FAH: variants seen among roughly 807,000 people sequenced by gnomAD.
The protein encoded by FAH is fumarylacetoacetase.
Under a neutral mutation model 55.8 loss-of-function variants are expected in FAH, and 47 were observed. The observed-to-expected ratio is 0.84, with a 90% CI of 0.67 to 1.07. FAH has a LOEUF of 1.07. Ranked by LOEUF, FAH falls within the 50% of genes least tolerant of loss-of-function variation. The pLI is 0.00. For missense variants in FAH, 495 were observed against 545.9 expected, an observed-to-expected ratio of 0.91 and a Z score of 0.93; for synonymous variants, 199 against 207.7, an observed-to-expected ratio of 0.96 and a Z score of 0.36.
chr15:80,162,155 G>C, intron 4 of FAH, 91 bp from the exon 5 acceptor site: 1 of 932,412 alleles, frequency 1.1e-6, no homozygotes, highest in South Asian at 1.3e-5. Context: ...ACAGTATTGT[G>C]TGCACACTCG....
At chr15:80,180,045 GCA>G in intron 11 of FAH, 77 bp from the exon 12 acceptor site, 1 of 1,086,856 alleles carries the variant, frequency 9.2e-7, no homozygotes. Context: ...CGTGAGCAGG[GCA>G]GGCTGTGCCC....
chr15:80,181,544 G>A (rs2041331196), intron 13 of FAH, among the ~76,000 whole-genome samples: 1 of 152,128 alleles, frequency 6.6e-6, no homozygotes, highest in Admixed American at 6.5e-5. Context: ...CTGTTCCAAG[G>A]AGGTGAGGGT....
chr15:80,173,109 G>C lies in FAH; in HGVS notation c.802G>C (p.Ala268Pro). Reference protein sequence around the residue: ...TVSPWVVPMDALMPFAVPNPK... With the variant: ...TVSPWVVPMDPLMPFAVPNPK... The stretch of plus-strand genomic sequence containing the variant: ...CTCTCCGTGGGTGGTGCCCATGGAT[G>C]CTCTCATGCCCTTTGCTGTGCCCAA... Residue 268 changes from alanine to proline, a missense_variant, in exon 9 of 14, where the codon GCT becomes CCT. Coordinates refer to ENST00000561421, the MANE Select transcript of FAH (RefSeq NM_000137.4). 2 of 1,614,228 alleles carry C rather than the reference G, an allele frequency of 1.2e-6. No homozygotes were observed. Among genetic ancestry groups the C allele is most frequent in the Non-Finnish European group, 1.7e-6 (2 of 1,180,036 alleles).
chr15:80,182,501 A>C (rs1194424799), intron 13 of FAH, among the ~76,000 whole-genome samples: 1 of 152,246 alleles, frequency 6.6e-6, no homozygotes, highest in Admixed American at 6.5e-5. Flanking sequence ...TTATTAATCA[A>C]TAAATACCCA....
At chr15:80,156,352 C>T (rs1302624945) in intron 1 of FAH, 2 of 153,480 alleles carry the variant, frequency 1.3e-5, no homozygotes, top group African/African-American at 2.4e-5. Flanking sequence ...TACTAATAAT[C>T]GATAATTGTC....
chr15:80,178,317 C>CA (rs1202433088), intron 11 of FAH, among the ~76,000 whole-genome samples: 3 of 152,228 alleles, frequency 2.0e-5, no homozygotes, highest in African/African-American at 7.2e-5. Flanking sequence ...TCCAGCACCT[C>CA]AGCAGCCCCG....
intron 2 of FAH, 98 bp downstream of exon 2, chr15:80,158,268 A>G (rs2041117158): frequency 5.5e-6 from 5 of 909,330 alleles, no homozygotes; most frequent in Non-Finnish European, 9.2e-6. Flanking sequence ...GATAGAGGTA[A>G]TGCCATCGAA....
intron 9 of FAH, chr15:80,173,596 A>G: frequency 3.0e-6 from 1 of 338,404 alleles, no homozygotes; most frequent in Non-Finnish European, 5.8e-6. Flanking sequence ...TTGGTCTACC[A>G]CTGGGTCTAG....
Position 80,158,137 on chromosome 15 carries a change from T to C in FAH, c.159T>C (p.Pro53=). Residue 53 remains proline (P), a synonymous_variant, in exon 2 of 14, where the codon CCT becomes CCC. Transcript: ENST00000561421. ...LSIIKHLFTG[P]VLSKHQDVFN... is the part of the protein sequence containing the mutation. ...TCATCAAGCACCTCTTTACTGGTCCTGTCCTCTCCAAACACCAGGATGTCT... is the reference window on the plus strand; with the variant it reads ...TCATCAAGCACCTCTTTACTGGTCCCGTCCTCTCCAAACACCAGGATGTCT... 6.2e-7 allele frequency: 1 copy of C among 1,614,102 alleles called. No individual in the cohort carries two copies. The highest frequency in any genetic ancestry group is 8.5e-7 in the Non-Finnish European group (1 of 1,179,908).
chr15:80,153,113 G>C lies in FAH; in HGVS notation c.59G>C (p.Gly20Ala), dbSNP rs371489046. ...SDFPIHNLPY[G>A]VFSTRGDPRP... is the part of the protein sequence containing the mutation. ...TTCCCCATCCACAACCTGCCCTACG[G>C]CGTCTTCTCGACCAGAGGCGACGTG... Residue 20 changes from glycine (G) to alanine (A), a missense_variant, in exon 1 of 14, where the codon GGC becomes GCC. Coordinates refer to ENST00000561421, the MANE Select transcript of FAH (RefSeq NM_000137.4). 13 of 1,613,756 alleles carry C rather than the reference G, an allele frequency of 8.1e-6. No homozygotes were observed. Among genetic ancestry groups the C allele is most frequent in the African/African-American group, 1.3e-5 (1 of 74,886 alleles).
chr15:80,162,511 G>A, intron 5 of FAH, 175 bp downstream of exon 5: 1 of 682,728 alleles, frequency 1.5e-6, no homozygotes, highest in South Asian at 1.6e-5. Context: ...TGCTCAGCTT[G>A]GCTTAGGACT....
At chr15:80,185,743 T>TACC (rs2041365209) in intron 13 of FAH, among the ~76,000 whole-genome samples, 1 of 152,308 alleles carries the variant, frequency 6.6e-6, no homozygotes, top group African/African-American at 2.4e-5. Flanking sequence ...ATGAGAACAG[T>TACC]ATGGAGGAAA....
chr15:80,159,343 G>A (rs62006330), intron 2 of FAH, among the ~76,000 whole-genome samples: 31,129 of 151,842 alleles, frequency 0.21, 3,560 homozygotes, highest in Middle Eastern at 0.29. Context: ...AATGTGCTGG[G>A]ATTACAGGCA....
chr15:80,180,913 G>A (rs2041325612), intron 12 of FAH, 129 bp from the exon 13 acceptor site: 2 of 726,120 alleles, frequency 2.8e-6, no homozygotes, highest in Admixed American at 3.8e-5. Context: ...CCAAGGCCGA[G>A]GCAGGGTCTC....
intron 7 of FAH, 21 bp downstream of exon 7, chr15:80,168,337 A>C: frequency 1.2e-6 from 2 of 1,608,150 alleles, no homozygotes; most frequent in Non-Finnish European, 1.7e-6. Flanking sequence ...TTGATGTTTT[A>C]TTGCCATGGG....
chr15:80,174,186 C>A (rs539806346), intron 9 of FAH, among the ~76,000 whole-genome samples: 1 of 152,158 alleles, frequency 6.6e-6, no homozygotes. Context: ...TAGCTGGCAG[C>A]GGCCTTGTCT....
Position 80,172,205 on chromosome 15 carries a change from C to T in FAH, c.663C>T (p.Ala221=), listed in dbSNP as rs370892975. 3 of 1,614,102 alleles carry T rather than the reference C, an allele frequency of 1.9e-6. No homozygotes were observed. Among genetic ancestry groups the T allele is most frequent in the Non-Finnish European group, 1.7e-6 (2 of 1,179,992 alleles). Residue 221 remains alanine, a synonymous_variant, in exon 8 of 14, where the codon GCC becomes GCT. Transcript: ENST00000561421. ...GAGAGCCGATCCCCATTTCCAAGGC[C>T]CATGAGCACATTTTTGGAATGGTCC... ...RLGEPIPISK[A]HEHIFGMVLM... is the part of the protein sequence containing the mutation.
At chr15:80,186,106 G>A in intron 13 of FAH, 24 bp from the exon 14 acceptor site, 1 of 1,608,948 alleles carries the variant, frequency 6.2e-7, no homozygotes, top group Non-Finnish European at 8.5e-7. Context: ...CTTTGTGACT[G>A]ATCCTTGTCC....
intron 8 of FAH, among the ~76,000 whole-genome samples, chr15:80,172,685 C>T (rs760810071): frequency 3.9e-5 from 6 of 152,204 alleles, no homozygotes; most frequent in Non-Finnish European, 8.8e-5. Context: ...CAACCCTTTG[C>T]CATACGTGGG....
Sources: gnomAD v4.1 joint callset for allele counts (sites outside exome capture counted in the v4.1 genomes callset) on GRCh38, gnomAD v4.1.1 for gene constraint, MANE v1.5 for transcripts, NCBI Gene and HGNC (gene_info 2026-07-23, HGNC 2026-07-21) for gene names.